The following KCNJ6 variants were observed in gnomAD, a reference collection of about 807,000 sequenced individuals.
The protein encoded by KCNJ6 is potassium inwardly rectifying channel subfamily J member 6.
KCNJ6 carries 9 observed loss-of-function variants against 34.2 expected under a neutral mutation model. The ratio of observed to expected loss-of-function variants is 0.26; its 90% CI spans 0.16 to 0.46. The LOEUF (loss-of-function observed/expected upper bound fraction) is 0.46, where lower values mean the gene tolerates loss of function less well. Ranked by LOEUF, KCNJ6 falls within the 20% of genes least tolerant of loss-of-function variation. The pLI, the probability that KCNJ6 is intolerant of heterozygous loss-of-function variation, is 1.00. For synonymous variants in KCNJ6, 196 were observed against 207.1 expected (o/e 0.95, Z 0.46); for missense variants, 236 against 531.3 (o/e 0.44, Z 5.46).
chr21:37,843,010 T>C (rs1161341977), intron 1 of KCNJ6, among the ~76,000 whole-genome samples: 1 of 152,110 alleles, frequency 6.6e-6, no homozygotes, highest in East Asian at 1.9e-4. Context: ...CAGGCCTCAC[T>C]CTGGATCACA....
chr21:37,796,801 T>TC, intron 2 of KCNJ6, among the ~76,000 whole-genome samples: 1 of 141,858 alleles, frequency 7.0e-6, no homozygotes, highest in African/African-American at 2.6e-5. Context: ...TTTTTTTTTT[T>TC]TTTGAGACGG....
intron 1 of KCNJ6, among the ~76,000 whole-genome samples, chr21:37,860,956 G>A (rs2055592118): frequency 7.9e-6 from 1 of 126,244 alleles, no homozygotes; most frequent in Non-Finnish European, 1.7e-5. Flanking sequence ...GCATGACATT[G>A]GGAAAGTCCT....
At chr21:37,741,072 T>A (rs955959257) in intron 2 of KCNJ6, among the ~76,000 whole-genome samples, 1 of 152,244 alleles carries the variant, frequency 6.6e-6, no homozygotes, top group African/African-American at 2.4e-5. Context: ...TATATGTAGA[T>A]GACTTCCTCA....
intron 2 of KCNJ6, among the ~76,000 whole-genome samples, chr21:37,812,742 C>G (rs944965717): frequency 6.6e-6 from 1 of 152,214 alleles, no homozygotes; most frequent in African/African-American, 2.4e-5. Flanking sequence ...CCCTTAAAAA[C>G]TGAGTATAGA....
At chr21:37,659,502 T>G (rs917073747) in intron 3 of KCNJ6, among the ~76,000 whole-genome samples, 1 of 151,940 alleles carries the variant, frequency 6.6e-6, no homozygotes, top group East Asian at 1.9e-4. Flanking sequence ...GAGAAGAAGA[T>G]GAGAATGGAA....
intron 3 of KCNJ6, among the ~76,000 whole-genome samples, chr21:37,639,415 T>C (rs568623830): frequency 6.6e-6 from 1 of 152,238 alleles, no homozygotes; most frequent in Non-Finnish European, 1.5e-5. Context: ...CAAAACACTG[T>C]GTTCAAAAGT....
At chr21:37,649,593 A>G (rs1353404556) in intron 3 of KCNJ6, among the ~76,000 whole-genome samples, 1 of 152,206 alleles carries the variant, frequency 6.6e-6, no homozygotes, top group Non-Finnish European at 1.5e-5. Context: ...CAGACCCCGC[A>G]TCACCTTTGC....
intron 2 of KCNJ6, among the ~76,000 whole-genome samples, chr21:37,817,459 A>G (rs1169005582): frequency 6.6e-6 from 1 of 152,238 alleles, no homozygotes; most frequent in African/African-American, 2.4e-5. Flanking sequence ...AAATGAGGAA[A>G]CAGAGAGGTT....
chr21:37,797,039 C>T (rs547708389), intron 2 of KCNJ6, among the ~76,000 whole-genome samples: 22 of 151,824 alleles, frequency 1.4e-4, no homozygotes, highest in African/African-American at 4.3e-4. Flanking sequence ...ATGATCCACC[C>T]GCCTCGGCCT....
chr21:37,838,856 G>A (rs556515314), intron 2 of KCNJ6, among the ~76,000 whole-genome samples: 1 of 152,272 alleles, frequency 6.6e-6, no homozygotes, highest in South Asian at 2.1e-4. Context: ...ATTTGATCAC[G>A]GGGGCGGATT....
intron 3 of KCNJ6, among the ~76,000 whole-genome samples, chr21:37,657,484 G>A (rs1759486345): frequency 6.6e-6 from 1 of 152,112 alleles, no homozygotes; most frequent in African/African-American, 2.4e-5. Flanking sequence ...GACAGGTGAG[G>A]GTCTGCCTAG....
At chr21:37,751,168 A>T (rs1328553031) in intron 2 of KCNJ6, among the ~76,000 whole-genome samples, 1 of 152,246 alleles carries the variant, frequency 6.6e-6, no homozygotes, top group East Asian at 1.9e-4. Context: ...AGAGAAAGCA[A>T]GAGAGGGCCA....
intron 2 of KCNJ6, among the ~76,000 whole-genome samples, chr21:37,771,991 A>G (rs1475156259): frequency 6.6e-6 from 1 of 152,208 alleles, no homozygotes; most frequent in African/African-American, 2.4e-5. Flanking sequence ...CCTTCTGGGG[A>G]CTGCAACATG....
At chr21:37,882,291 T>C (rs1278904202) in intron 1 of KCNJ6, among the ~76,000 whole-genome samples, 1 of 152,166 alleles carries the variant, frequency 6.6e-6, no homozygotes, top group South Asian at 2.1e-4. Context: ...TCAATATGTG[T>C]GCTCAGAATC....
At chr21:37,891,858 C>A (rs371514112) in intron 1 of KCNJ6, among the ~76,000 whole-genome samples, 1 of 151,910 alleles carries the variant, frequency 6.6e-6, no homozygotes, top group Admixed American at 6.6e-5. Flanking sequence ...CTGATGCTGG[C>A]GGCAGTTGTG....
intron 1 of KCNJ6, among the ~76,000 whole-genome samples, chr21:37,900,264 C>A (rs1324832907): frequency 6.6e-6 from 1 of 151,878 alleles, no homozygotes; most frequent in Non-Finnish European, 1.5e-5. Context: ...CTGTTTACAA[C>A]AACAAAAAAA....
At chr21:37,787,262 ACTT>A (rs1253478330) in intron 2 of KCNJ6, among the ~76,000 whole-genome samples, 2 of 152,158 alleles carry the variant, frequency 1.3e-5, no homozygotes, top group Non-Finnish European at 2.9e-5. Context: ...TGCCTGGAAA[ACTT>A]CTTAGGAAGA....
chr21:37,751,185 C>G (rs1017132174), intron 2 of KCNJ6, among the ~76,000 whole-genome samples: 2 of 152,224 alleles, frequency 1.3e-5, no homozygotes, highest in Admixed American at 6.5e-5. Context: ...GCCACACACA[C>G]AGAGAGAGAA....
chr21:37,780,295 G>C (rs1228123075), intron 2 of KCNJ6, among the ~76,000 whole-genome samples: 2 of 152,152 alleles, frequency 1.3e-5, no homozygotes, highest in African/African-American at 4.8e-5. Flanking sequence ...ATCAGCGGTT[G>C]CAAGAGGTCT....
Sources: allele counts gnomAD v4.1 joint callset (sites outside exome capture counted in the v4.1 genomes callset), GRCh38; gene constraint gnomAD v4.1.1; transcripts MANE v1.5; gene names NCBI Gene and HGNC (gene_info 2026-07-23, HGNC 2026-07-21).